Variants in BRAP observed in about 807,000 individuals in gnomAD.
The protein encoded by BRAP is BRCA1 associated protein.
BRAP carries 42 observed loss-of-function variants against 73.4 expected under a neutral mutation model. The observed-to-expected ratio is 0.57, with a 90% CI of 0.45 to 0.74. The LOEUF is 0.74. Among genes scored for constraint, BRAP ranks in the 30% least tolerant of loss-of-function variants. The pLI is 0.00. For synonymous variants in BRAP, 255 were observed against 267.4 expected (o/e 0.95, Z 0.45); for missense variants, 593 against 751.4 (o/e 0.79, Z 2.46).
At chr12:111,683,883 T>G (rs1887695740) in intron 1 of BRAP, among the ~76,000 whole-genome samples, 1 of 152,076 alleles carries the variant, frequency 6.6e-6, no homozygotes, top group Non-Finnish European at 1.5e-5. Flanking sequence ...AGAGGGAGCC[T>G]TAGAGAAGAT....
chr12:111,644,007 C>T lies in BRAP; in HGVS notation c.*192G>A. ...CTTAAGACCTTTTCGAACGCAGCGC[C>T]TTTCTATCAGCTCTCCAGTCAGCAC... On this transcript the variant is annotated 3_prime_UTR_variant, in exon 12 of 12. Coordinates refer to ENST00000419234, the MANE Select transcript of BRAP (RefSeq NM_006768.5). 1.1e-6 allele frequency: 1 copy of T among 908,342 alleles called. No homozygotes were observed. Among genetic ancestry groups the T allele is most frequent in the Non-Finnish European group, 1.6e-6 (1 of 626,572 alleles). 56.3% of individuals were successfully genotyped at this position (908,342 alleles called of 1,614,324 possible). A position where few individuals can be genotyped will look rare whatever the true frequency, so the allele number is the denominator to read the frequency against.
chr12:111,654,875 T>G (rs578150649), intron 10 of BRAP, among the ~76,000 whole-genome samples: 1 of 152,180 alleles, frequency 6.6e-6, no homozygotes, highest in Non-Finnish European at 1.5e-5. Flanking sequence ...TTACAAACAC[T>G]GTCCCTAGGT....
chr12:111,668,872 G>A (rs1887060705), intron 5 of BRAP, among the ~76,000 whole-genome samples: 1 of 151,920 alleles, frequency 6.6e-6, no homozygotes, highest in Admixed American at 6.6e-5. Flanking sequence ...TAACCAAGAT[G>A]GTCTCGATCT....
At chr12:111,654,121 C>T (rs114266420) in intron 10 of BRAP, among the ~76,000 whole-genome samples, 170 of 152,284 alleles carry the variant, frequency 1.1e-3, no homozygotes, top group African/African-American at 3.9e-3. Context: ...CTTCACAGTA[C>T]GCGGCAGCGA....
chr12:111,658,220 C>T (rs1021214028), intron 9 of BRAP, among the ~76,000 whole-genome samples: 5 of 150,992 alleles, frequency 3.3e-5, no homozygotes, highest in African/African-American at 1.2e-4. Flanking sequence ...GTGTGAGCCA[C>T]TGCACCCAGC....
chr12:111,642,995 T>C lies in BRAP; in HGVS notation c.*1204A>G, dbSNP rs1346817698. On this transcript the variant is annotated 3_prime_UTR_variant, in exon 12 of 12. Coordinates refer to ENST00000419234, the MANE Select transcript of BRAP (RefSeq NM_006768.5). ...TAATTATAAAGCAAAAACTAAAACC[T>C]GTTGTTTAACAATACATCTTACTAA... is the stretch of plus-strand genomic sequence containing the variant. The C allele has an allele frequency of 6.6e-6, 1 of 152,238 alleles. No homozygotes were observed. The allele number at this position is 152,238 out of a possible 1,614,324, so 9.4% of individuals were successfully genotyped here. A position where few individuals can be genotyped will look rare whatever the true frequency, so the allele number is the denominator to read the frequency against.
chr12:111,672,624 T>C (rs367822153), intron 5 of BRAP, 37 bp downstream of exon 5: 19 of 1,556,056 alleles, frequency 1.2e-5, no homozygotes, highest in Non-Finnish European at 1.7e-5. Context: ...ACCAATCTGA[T>C]ATATTTTAAT....
intron 5 of BRAP, among the ~76,000 whole-genome samples, chr12:111,668,534 A>T (rs1178165889): frequency 6.6e-6 from 1 of 152,194 alleles, no homozygotes; most frequent in Non-Finnish European, 1.5e-5. Flanking sequence ...CGAAATACTG[A>T]TTTACTTTGG....
At chr12:111,660,700 G>A (rs767256715) in intron 6 of BRAP, 25 bp from the exon 7 acceptor site, 4 of 1,578,798 alleles carry the variant, frequency 2.5e-6, no homozygotes, top group South Asian at 2.4e-5. Context: ...AAAAGATAAT[G>A]GTGCAGGTTA....
At position 111,642,484 on chromosome 12, in the gene BRAP, G is replaced by A. The variant is rs1885934032; in HGVS notation, c.*1715C>T. ...GTGGTGGTGGGGCCACTGGATAGAAGGGATCACAGAGAAATGAGGAGTGAG... is the reference window on the plus strand; with the variant it reads ...GTGGTGGTGGGGCCACTGGATAGAAAGGATCACAGAGAAATGAGGAGTGAG... On this transcript the variant is annotated 3_prime_UTR_variant, in exon 12 of 12. Transcript: ENST00000419234. 2 of 152,104 alleles carry A rather than the reference G, an allele frequency of 1.3e-5. No individual in the cohort carries two copies. The highest frequency in any genetic ancestry group is 1.3e-4 in the Admixed American group (2 of 15,248). 9.4% of individuals were successfully genotyped at this position (152,104 alleles called of 1,614,324 possible). A position where few individuals can be genotyped will look rare whatever the true frequency, so the allele number is the denominator to read the frequency against.
At chr12:111,644,710 G>T in intron 11 of BRAP, 148 bp from the exon 12 acceptor site, 2 of 1,286,052 alleles carry the variant, frequency 1.6e-6, no homozygotes, top group Non-Finnish European at 2.1e-6. Context: ...ATGGTTTTCT[G>T]CCATCGCAAT....
chr12:111,683,383 T>G (rs1293285804), intron 1 of BRAP, 76 bp from the exon 2 acceptor site: 33 of 1,476,728 alleles, frequency 2.2e-5, no homozygotes, highest in Non-Finnish European at 2.9e-5. Flanking sequence ...TATCATTAGG[T>G]TTTCCTTTTC....
chr12:111,662,537 C>G (rs990153377), intron 6 of BRAP, among the ~76,000 whole-genome samples: 1 of 151,244 alleles, frequency 6.6e-6, no homozygotes, highest in African/African-American at 2.4e-5. Flanking sequence ...GCAACAAGAG[C>G]GAAACTCCGT....
intron 5 of BRAP, among the ~76,000 whole-genome samples, chr12:111,668,156 G>A (rs1466347018): frequency 1.3e-5 from 2 of 152,132 alleles, no homozygotes; most frequent in African/African-American, 4.8e-5. Context: ...GCAGTGAGCC[G>A]AGACTGCTCC....
chr12:111,644,653 C>A, intron 11 of BRAP, 91 bp from the exon 12 acceptor site: 1 of 1,527,936 alleles, frequency 6.5e-7, no homozygotes, highest in Non-Finnish European at 8.8e-7. Flanking sequence ...AAACCATGAC[C>A]TCAGAATCCC....
At chr12:111,670,424 A>G (rs1887123574) in intron 5 of BRAP, 1 of 349,556 alleles carries the variant, frequency 2.9e-6, no homozygotes, top group African/African-American at 2.1e-5. Flanking sequence ...TCAAATGCTA[A>G]AACAATCTAC....
At chr12:111,670,428 A>C (rs1464542776) in intron 5 of BRAP, 1 of 343,916 alleles carries the variant, frequency 2.9e-6, no homozygotes, top group African/African-American at 2.2e-5. Context: ...ATGCTAAAAC[A>C]ATCTACTCAG....
In BRAP at chr12:111,659,265, T is replaced by A. The variant is rs1886650270; in HGVS notation, c.1053A>T (p.Glu351Asp). 6.2e-7 allele frequency: 1 copy of A among 1,614,030 alleles called. No individual in the cohort carries two copies. Among genetic ancestry groups the A allele is most frequent in the African/African-American group, 1.3e-5 (1 of 74,922 alleles). ...GCTGCATGGCATACGTGTGCTGCGT[T>A]TCCTCAAAGTGCTTATAAGCATGTC... ...VSRHAYKHFEETQHTYAMQLT... is the reference protein window; with the variant it reads ...VSRHAYKHFEDTQHTYAMQLT... Residue 351 changes from glutamate to aspartate, a missense_variant, in exon 8 of 12, where the codon GAA becomes GAT. Transcript: ENST00000419234.
At chr12:111,672,105 C>T (rs1887200646) in intron 5 of BRAP, among the ~76,000 whole-genome samples, 1 of 152,058 alleles carries the variant, frequency 6.6e-6, no homozygotes, top group Non-Finnish European at 1.5e-5. Context: ...ACCCAGGAGG[C>T]TGAGGCTAGC....
Sources: gnomAD v4.1 joint callset for allele counts (sites outside exome capture counted in the v4.1 genomes callset) on GRCh38, gnomAD v4.1.1 for gene constraint, MANE v1.5 for transcripts, NCBI Gene and HGNC (gene_info 2026-07-23, HGNC 2026-07-21) for gene names.